WSCD2: variants seen among roughly 807,000 people sequenced by gnomAD.
WSCD2 encodes WSC domain sialate O sulfotransferase 2.
A neutral mutation model predicts 55.7 loss-of-function variants in WSCD2; 28 were observed. The ratio of observed to expected loss-of-function variants is 0.50; its 90% CI spans 0.37 to 0.69. The LOEUF is 0.69. Ranked by LOEUF, WSCD2 falls within the 30% of genes least tolerant of loss-of-function variation. The pLI is 0.00. For synonymous variants in WSCD2, 301 were observed against 301.9 expected (o/e 1.00, Z 0.03); for missense variants, 616 against 762.1 (o/e 0.81, Z 2.26).
chr12:108,232,588 G>A (rs1224475643), intron 6 of WSCD2, 143 bp from the exon 7 acceptor site: 1 of 739,200 alleles, frequency 1.4e-6, no homozygotes. Flanking sequence ...GCCCAAGGAA[G>A]CTTTCCCATG....
chr12:108,147,387 C>T (rs1877501129), intron 1 of WSCD2, among the ~76,000 whole-genome samples: 1 of 152,104 alleles, frequency 6.6e-6, no homozygotes, highest in Admixed American at 6.5e-5. Flanking sequence ...TGGGTGCTAA[C>T]AGCCATTGGG....
At chr12:108,207,979 C>A (rs1885632930) in intron 3 of WSCD2, among the ~76,000 whole-genome samples, 1 of 152,078 alleles carries the variant, frequency 6.6e-6, no homozygotes, top group African/African-American at 2.4e-5. Flanking sequence ...GAATCGCAGG[C>A]AGTTAGACAT....
intron 3 of WSCD2, among the ~76,000 whole-genome samples, chr12:108,209,122 G>T (rs767201360): frequency 5.3e-5 from 8 of 152,130 alleles, no homozygotes; most frequent in Non-Finnish European, 1.2e-4. Flanking sequence ...TTTACAGAGT[G>T]GGGTAGCCAC....
chr12:108,180,553 G>A (rs970605538), intron 1 of WSCD2, among the ~76,000 whole-genome samples: 3 of 152,218 alleles, frequency 2.0e-5, no homozygotes, highest in African/African-American at 7.2e-5. Flanking sequence ...GGAGGGAGAA[G>A]TAAATAGGAA....
chr12:108,175,125 G>T lies in WSCD2; in HGVS notation c.-551-20157G>T, dbSNP rs886255131. Among the ~76,000 whole-genome samples, 6 of 152,300 alleles carry T rather than the reference G, an allele frequency of 3.9e-5. No homozygotes were observed. In the East Asian group the frequency reaches 1.2e-3, roughly 29 times the overall value. On this transcript the variant is annotated intron_variant, in intron 1 of 8. Coordinates refer to ENST00000547525, the MANE Select transcript of WSCD2 (RefSeq NM_014653.4). ...GGGCACAATTCCTTCCCTGCCCAAA[G>T]AGACATTTGGCAATGTCTAGAGACA...
intron 1 of WSCD2, among the ~76,000 whole-genome samples, chr12:108,155,592 A>G (rs1009738831): frequency 1.8e-4 from 27 of 152,220 alleles, no homozygotes; most frequent in Admixed American, 5.9e-4. Context: ...TCTGTGAGTC[A>G]GAGACCTAGG....
At chr12:108,142,108 G>A (rs1171973378) in intron 1 of WSCD2, among the ~76,000 whole-genome samples, 1 of 152,134 alleles carries the variant, frequency 6.6e-6, no homozygotes, top group Admixed American at 6.5e-5. Flanking sequence ...CACCTGATGG[G>A]CCTGTGGGCT....
chr12:108,193,588 G>A (rs943076993), intron 1 of WSCD2, among the ~76,000 whole-genome samples: 11 of 138,846 alleles, frequency 7.9e-5, no homozygotes, highest in East Asian at 2.2e-4. Context: ...GTGAACTGCC[G>A]GAAGGCAAAT....
At chr12:108,209,950 C>T (rs937845459) in intron 3 of WSCD2, among the ~76,000 whole-genome samples, 171 bp from the exon 4 acceptor site, 1 of 152,076 alleles carries the variant, frequency 6.6e-6, no homozygotes. Context: ...GAGGTCTCTC[C>T]TGTCCCCTGG....
rs2137103213 is a variant in WSCD2, at chr12:108,210,378, CAT to C, written c.682+74_682+75del. The C allele has an allele frequency of 5.3e-6, 8 of 1,496,084 alleles. No homozygotes were observed. The highest frequency in any genetic ancestry group is 2.4e-5 in the East Asian group (1 of 40,870). The allele number at this position is 1,496,084 out of a possible 1,614,324, so 92.7% of individuals were successfully genotyped here. On this transcript the variant is annotated intron_variant, in intron 4 of 8. Transcript: ENST00000547525. This position sits in a 1 kb window ranked among gnomAD's most constrained non-coding sequence, Gnocchi z 4.3. ...AGCCCTTGCCCACCAAAGAGTCCCACATGTCTGCCCTGTACCCTCCATGGCTC... is the reference window on the plus strand; with the variant it reads ...AGCCCTTGCCCACCAAAGAGTCCCACGTCTGCCCTGTACCCTCCATGGCTC...
chr12:108,202,622 C>T (rs7971456), intron 2 of WSCD2, among the ~76,000 whole-genome samples: 86,266 of 152,038 alleles, frequency 0.57, 24,773 homozygotes, highest in African/African-American at 0.63. Flanking sequence ...AAATACTGCA[C>T]GTTCTCACTT....
rs1883891941 is a variant in WSCD2 at position 108,196,144 on chromosome 12, T to C, written c.312T>C (p.Leu104=). 6.2e-7 allele frequency: 1 copy of C among 1,614,084 alleles called. No individual in the cohort carries two copies. Among genetic ancestry groups the C allele is most frequent in the Non-Finnish European group, 8.5e-7 (1 of 1,180,024 alleles). Residue 104 remains leucine, a synonymous_variant, in exon 2 of 9, where the codon CTT becomes CTC. Transcript: ENST00000547525. ...AGGATGGGAATGAGAGAGCCAAGCTTGGCGACTACGGTGGAGCCTGGAGCC... is the reference window on the plus strand; with the variant it reads ...AGGATGGGAATGAGAGAGCCAAGCTCGGCGACTACGGTGGAGCCTGGAGCC... ...KGKDGNERAK[L]GDYGGAWSRA... is the part of the protein sequence containing the mutation.
intron 1 of WSCD2, among the ~76,000 whole-genome samples, chr12:108,145,389 G>A (rs577680582): frequency 6.6e-6 from 1 of 152,094 alleles, no homozygotes; most frequent in Admixed American, 6.6e-5. Flanking sequence ...CCCCTCTACC[G>A]GACTGTCTGC....
chr12:108,144,005 C>A (rs1203383176), intron 1 of WSCD2, among the ~76,000 whole-genome samples: 2 of 152,142 alleles, frequency 1.3e-5, no homozygotes, highest in Non-Finnish European at 2.9e-5. Context: ...CAGCCCCAGC[C>A]CCAGCCTATT....
At chr12:108,243,906 C>T (rs574174898) in intron 8 of WSCD2, among the ~76,000 whole-genome samples, 3 of 152,178 alleles carry the variant, frequency 2.0e-5, no homozygotes, top group Non-Finnish European at 4.4e-5. Flanking sequence ...CTCCTAGAAC[C>T]ACCACCCCCA....
At chr12:108,200,737 C>A (rs1056838045) in intron 2 of WSCD2, among the ~76,000 whole-genome samples, 1 of 149,648 alleles carries the variant, frequency 6.7e-6, no homozygotes, top group Admixed American at 6.6e-5. Flanking sequence ...TTGGGGGACC[C>A]CAAAGGAGGG....
chr12:108,243,915 C>T (rs1267688202), intron 8 of WSCD2, among the ~76,000 whole-genome samples: 2 of 152,206 alleles, frequency 1.3e-5, no homozygotes, highest in African/African-American at 2.4e-5. Flanking sequence ...CCACCACCCC[C>T]ACTCTGCTTT....
chr12:108,200,024 G>T (rs1038969376), intron 2 of WSCD2, among the ~76,000 whole-genome samples: 2 of 152,224 alleles, frequency 1.3e-5, no homozygotes, highest in African/African-American at 4.8e-5. Flanking sequence ...AAGTCACACA[G>T]CTAATCTGGG....
At chr12:108,244,732 G>C (rs1372850621) in intron 8 of WSCD2, among the ~76,000 whole-genome samples, 2 of 152,100 alleles carry the variant, frequency 1.3e-5, no homozygotes, top group African/African-American at 2.4e-5. Context: ...CAGACCCCAG[G>C]TCTCAGACAA....
Sources: allele counts gnomAD v4.1 joint callset (sites outside exome capture counted in the v4.1 genomes callset), GRCh38; gene constraint gnomAD v4.1.1; non-coding constraint Gnocchi (gnomAD v3.1); transcripts MANE v1.5; gene names NCBI Gene and HGNC (gene_info 2026-07-23, HGNC 2026-07-21).